Variants in CACNG2 observed in about 807,000 individuals in gnomAD.
The protein encoded by CACNG2 is voltage-dependent calcium channel gamma-2 subunit.
In CACNG2, 3 loss-of-function variants were observed where a neutral mutation model predicts 25.9. The ratio of observed to expected loss-of-function variants is 0.12; its 90% CI spans 0.05 to 0.30. CACNG2 has a LOEUF of 0.30. CACNG2 is among the 10% of genes least tolerant of loss of function. The pLI, the probability that CACNG2 is intolerant of heterozygous loss-of-function variation, is 1.00. For synonymous variants in CACNG2, 167 were observed against 173.3 expected (o/e 0.96, Z 0.29); for missense variants, 341 against 432.5 (o/e 0.79, Z 1.88).
intron 1 of CACNG2, among the ~76,000 whole-genome samples, chr22:36,652,122 TC>T (rs1190185533): frequency 6.6e-6 from 1 of 152,200 alleles, no homozygotes; most frequent in African/African-American, 2.4e-5. Context: ...TGCCTCGGCC[TC>T]CTAAAGTGCT....
chr22:36,681,198 A>G (rs1220035354), intron 1 of CACNG2, among the ~76,000 whole-genome samples: 1 of 151,938 alleles, frequency 6.6e-6, no homozygotes, highest in Admixed American at 6.6e-5. Flanking sequence ...GTTTGTCTTC[A>G]TCCCTCCACC....
At chr22:36,598,537 G>A (rs1259587244) in intron 1 of CACNG2, among the ~76,000 whole-genome samples, 2 of 150,826 alleles carry the variant, frequency 1.3e-5, no homozygotes, top group Non-Finnish European at 3.0e-5. Flanking sequence ...AGAATCACTT[G>A]AACCCAGGAG....
intron 3 of CACNG2, among the ~76,000 whole-genome samples, chr22:36,565,343 C>T (rs892559393): frequency 6.6e-6 from 1 of 152,178 alleles, no homozygotes; most frequent in African/African-American, 2.4e-5. Context: ...GGCTGGCCTG[C>T]GTTCAAAGCC....
At chr22:36,593,110 C>T (rs1475468915) in intron 1 of CACNG2, among the ~76,000 whole-genome samples, 2 of 152,224 alleles carry the variant, frequency 1.3e-5, no homozygotes, top group Non-Finnish European at 2.9e-5. Context: ...CAGCCCTTCT[C>T]TTCTCTCTGC....
At chr22:36,668,040 A>G (rs1936897359) in intron 1 of CACNG2, among the ~76,000 whole-genome samples, 1 of 152,228 alleles carries the variant, frequency 6.6e-6, no homozygotes, top group Non-Finnish European at 1.5e-5. Context: ...ATACCGCCAC[A>G]GTCTCTGAGG....
At chr22:36,679,740 C>T (rs1229221833) in intron 1 of CACNG2, among the ~76,000 whole-genome samples, 1 of 152,142 alleles carries the variant, frequency 6.6e-6, no homozygotes, top group Non-Finnish European at 1.5e-5. Context: ...TCCCTGTTCT[C>T]TTAACTTGGC....
At chr22:36,626,613 G>C (rs1233775402) in intron 1 of CACNG2, among the ~76,000 whole-genome samples, 1 of 152,170 alleles carries the variant, frequency 6.6e-6, no homozygotes, top group Non-Finnish European at 1.5e-5. Context: ...CCCTGCAAAG[G>C]CAAGCTGAGA....
At chr22:36,680,375 TTAC>T (rs1467189568) in intron 1 of CACNG2, among the ~76,000 whole-genome samples, 11 of 108,196 alleles carry the variant, frequency 1.0e-4, no homozygotes, top group Non-Finnish European at 2.2e-4. Flanking sequence ...ATCATCACCA[TTAC>T]CACCACCATC....
chr22:36,567,183 T>C (rs1219947264), intron 2 of CACNG2, among the ~76,000 whole-genome samples: 1 of 152,198 alleles, frequency 6.6e-6, no homozygotes, highest in African/African-American at 2.4e-5. Context: ...GCTCCTAAGA[T>C]TGTTGTGAGG....
chr22:36,651,798 A>T (rs564014986), intron 1 of CACNG2, among the ~76,000 whole-genome samples: 25 of 152,268 alleles, frequency 1.6e-4, no homozygotes, highest in African/African-American at 5.8e-4. Flanking sequence ...AACTACCCAG[A>T]AATCTGGGAG....
intron 1 of CACNG2, among the ~76,000 whole-genome samples, chr22:36,688,499 C>A (rs1937229021): frequency 6.9e-6 from 1 of 144,904 alleles, no homozygotes; most frequent in African/African-American, 2.6e-5. Flanking sequence ...ATGATTGCAC[C>A]ACTGCATTAC....
intron 1 of CACNG2, among the ~76,000 whole-genome samples, chr22:36,677,692 T>C (rs997496015): frequency 1.3e-5 from 2 of 152,184 alleles, no homozygotes; most frequent in African/African-American, 2.4e-5. Flanking sequence ...TGGGCATAAA[T>C]GAAGCTGAAA....
chr22:36,570,351 G>C (rs1411360786), intron 2 of CACNG2, among the ~76,000 whole-genome samples: 3 of 152,212 alleles, frequency 2.0e-5, no homozygotes, highest in Admixed American at 1.3e-4. Flanking sequence ...CCAAGGCAGC[G>C]TATGACATGC....
intron 2 of CACNG2, chr22:36,585,474 C>T (rs1003416041): frequency 6.6e-6 from 1 of 152,230 alleles, no homozygotes; most frequent in Admixed American, 6.5e-5. Context: ...CGGCCCAGGA[C>T]TAGCATTTTA....
intron 1 of CACNG2, among the ~76,000 whole-genome samples, chr22:36,673,246 G>A (rs1484203510): frequency 2.6e-5 from 4 of 151,976 alleles, no homozygotes; most frequent in South Asian, 2.1e-4. Flanking sequence ...AAAACAAAAT[G>A]TGTTGAAGGA....
intron 1 of CACNG2, among the ~76,000 whole-genome samples, chr22:36,673,793 T>G (rs922511395): frequency 1.3e-4 from 20 of 151,992 alleles, no homozygotes; most frequent in Non-Finnish European, 2.6e-4. Context: ...ACAAAGTACT[T>G]TACAGTTTAT....
At chr22:36,657,855 G>A (rs1442221695) in intron 1 of CACNG2, among the ~76,000 whole-genome samples, 1 of 152,072 alleles carries the variant, frequency 6.6e-6, no homozygotes, top group East Asian at 1.9e-4. Flanking sequence ...CGGGAGCCAG[G>A]CAGGTAGTAA....
intron 1 of CACNG2, among the ~76,000 whole-genome samples, chr22:36,688,884 G>T (rs562811679): frequency 6.6e-6 from 1 of 152,302 alleles, no homozygotes; most frequent in East Asian, 1.9e-4. Context: ...ATCCCCAGGT[G>T]ATCTGTGTAC....
chr22:36,702,639 C>T lies in CACNG2; in HGVS notation c.-63G>A, dbSNP rs1485651951. On this transcript the variant is annotated 5_prime_UTR_variant, in exon 1 of 4. Transcript: ENST00000300105. ...TCTCGGGAGAGTGTGTGTGAGGGTG[C>T]AAGTACTAAAGCCAAAAAAAATAAA... The T allele has an allele frequency of 3.0e-6, 4 of 1,328,816 alleles. No individual in the cohort carries two copies. In the East Asian group the frequency reaches 6.9e-5, roughly 23 times the overall value. 82.3% of individuals were successfully genotyped at this position (1,328,816 alleles called of 1,614,324 possible). A position where few individuals can be genotyped will look rare whatever the true frequency, so the allele number is the denominator to read the frequency against.
Sources: allele counts gnomAD v4.1 joint callset (sites outside exome capture counted in the v4.1 genomes callset), GRCh38; gene constraint gnomAD v4.1.1; transcripts MANE v1.5; gene names NCBI Gene and HGNC (gene_info 2026-07-23, HGNC 2026-07-21).